The following ING5 variants were observed in gnomAD, a reference collection of about 807,000 sequenced individuals.
ING5 encodes inhibitor of growth family member 5.
Under a neutral mutation model 37.4 loss-of-function variants are expected in ING5, and 17 were observed. The ratio of observed to expected loss-of-function variants is 0.45; its 90% confidence interval spans 0.31 to 0.68. The LOEUF (loss-of-function observed/expected upper bound fraction) is 0.68, where lower values mean the gene tolerates loss of function less well. Among genes scored for constraint, ING5 ranks in the 30% least tolerant of loss-of-function variants. The pLI is 0.05. For synonymous variants in ING5, 123 were observed against 116.6 expected (o/e 1.06, Z -0.36); for missense variants, 233 against 311.9 (o/e 0.75, Z 1.91).
chr2:241,689,072 A>ACTGGCCCAGTGAGCTCACTGCGTGAGC (rs2069505783), intron 1 of ING5, among the ~76,000 whole-genome samples: 2 of 151,968 alleles, frequency 1.3e-5, no homozygotes, highest in Admixed American at 1.3e-4. Flanking sequence ...AAGTGCTGAG[A>ACTGGCCCAGTGAGCTCACTGCGTGAGC]TTACAGGCGT....
At chr2:241,687,304 C>T (rs1332529864) in exon 1 of ING5, 4 of 398,492 alleles carry the variant, frequency 1.0e-5, no homozygotes, top group Non-Finnish European at 1.8e-5. Flanking sequence ...TCCCGAAGCG[C>T]GGGGCCCAGT....
At position 241,723,091 on chromosome 2, in the gene ING5, G is replaced by C. The variant is rs746544676; in HGVS notation, c.618+17G>C. ...AATCCAGACGTGAGTGTCGCCTGCAGGATTCGCGCCATGGGGCGGGGTCTT... is the reference window on the plus strand; with the variant it reads ...AATCCAGACGTGAGTGTCGCCTGCACGATTCGCGCCATGGGGCGGGGTCTT... On this transcript the variant is annotated intron_variant, in intron 6 of 7. Transcript: ENST00000313552. The C allele has an allele frequency of 2.5e-6, 4 of 1,614,246 alleles. No individual in the cohort carries two copies. Among genetic ancestry groups the C allele is most frequent in the Middle Eastern group, 1.6e-4 (1 of 6,062 alleles).
intron 3 of ING5, among the ~76,000 whole-genome samples, chr2:241,710,365 T>C (rs2070070453): frequency 6.6e-6 from 1 of 152,088 alleles, no homozygotes; most frequent in Admixed American, 6.6e-5. Flanking sequence ...TGCAGTGGCA[T>C]GGCTGCAGTT....
intron 5 of ING5, chr2:241,719,996 C>G: frequency 8.0e-7 from 1 of 1,249,136 alleles, no homozygotes; most frequent in Non-Finnish European, 1.0e-6. Flanking sequence ...GCTCCTGTCC[C>G]ATTGCAAGAC....
rs1378560860 is a variant in ING5 at position 241,702,041 on chromosome 2, A to G, written c.-25A>G. On this transcript the variant is annotated 5_prime_UTR_variant, in exon 1 of 8. Transcript: ENST00000313552. Reference sequence around the variant, plus strand: ...CCCGCGGCACCGCCCGCCCGCGCAGACCCCGAGCGCGGCCGCGGACGAAGA... The same window carrying G: ...CCCGCGGCACCGCCCGCCCGCGCAGGCCCCGAGCGCGGCCGCGGACGAAGA... The G allele has an allele frequency of 5.9e-6, 8 of 1,366,724 alleles. No individual in the cohort carries two copies. The highest frequency in any genetic ancestry group is 6.6e-6 in the Non-Finnish European group (7 of 1,056,122). 84.7% of individuals were successfully genotyped at this position (1,366,724 alleles called of 1,614,324 possible). A position where few individuals can be genotyped will look rare whatever the true frequency, so the allele number is the denominator to read the frequency against.
chr2:241,709,254 A>C lies in ING5; in HGVS notation c.148A>C (p.Ile50Leu), dbSNP rs1177039418. 2.5e-6 allele frequency: 4 copies of C among 1,613,848 alleles called. No homozygotes were observed. The highest frequency in any genetic ancestry group is 2.7e-5 in the African/African-American group (2 of 74,910). Reference protein sequence around the residue: ...AEIDILAAEYISTVKTLSPDQ... With the variant: ...AEIDILAAEYLSTVKTLSPDQ... Reference sequence around the variant, plus strand: ...GATTGACATCCTGGCTGCAGAGTACATCTCCACGGTGAAGACGCTGTCTCC... The same window carrying C: ...GATTGACATCCTGGCTGCAGAGTACCTCTCCACGGTGAAGACGCTGTCTCC... Residue 50 changes from isoleucine (I) to leucine (L), a missense_variant, in exon 3 of 8, where the codon ATC (isoleucine) becomes CTC (leucine). By Grantham distance (5) the Ile-to-Leu change is conservative. Around this residue, in one of 4 missense-constraint regions of ING5, gnomAD observed 93 missense variants for 99.7 expected, o/e 0.93. Coordinates refer to ENST00000313552, the MANE Select transcript of ING5 (RefSeq NM_032329.6).
upstream of ING5, chr2:241,702,038 C>T (rs1322655945): frequency 1.1e-5 from 15 of 1,368,346 alleles, no homozygotes; most frequent in Non-Finnish European, 1.4e-5. Flanking sequence ...CCCGCCCGCG[C>T]AGACCCCGAG....
intron 7 of ING5, chr2:241,724,569 G>A (rs1030062782): frequency 6.0e-5 from 12 of 199,250 alleles, no homozygotes; most frequent in Non-Finnish European, 1.0e-4. Flanking sequence ...TTGTGAGACG[G>A]CAGCTTCCAG....
intron 5 of ING5, chr2:241,721,637 TC>T: frequency 2.0e-6 from 2 of 985,502 alleles, no homozygotes; most frequent in Non-Finnish European, 2.4e-6. Context: ...GCCACGTTCC[TC>T]CTGCTAACCT....
chr2:241,716,281 C>CCTT (rs2070265257), intron 5 of ING5, among the ~76,000 whole-genome samples: 1 of 73,662 alleles, frequency 1.4e-5, no homozygotes, highest in African/African-American at 6.3e-5. Context: ...ATTAGCCATG[C>CCTT]TTTTTTTTTT....
chr2:241,725,109 A>G lies in ING5; in HGVS notation c.*78A>G. 1 of 1,467,528 alleles carries G rather than the reference A, an allele frequency of 6.8e-7. No homozygotes were observed. Among genetic ancestry groups the G allele is most frequent in the Non-Finnish European group, 9.5e-7 (1 of 1,047,138 alleles). 90.9% of individuals were successfully genotyped at this position (1,467,528 alleles called of 1,614,324 possible). On this transcript the variant is annotated 3_prime_UTR_variant, in exon 8 of 8. Transcript: ENST00000313552. The stretch of plus-strand genomic sequence containing the variant: ...TGTCGCAATATTTCCCTTCCTTTTA[A>G]AACTACCTTGTTCGGTTGATACTTA...
At chr2:241,722,437 C>T (rs2070455683) in intron 5 of ING5, 1 of 985,262 alleles carries the variant, frequency 1.0e-6, no homozygotes, top group African/African-American at 1.7e-5. Flanking sequence ...TTCACGGCCT[C>T]CTGGGGGCCC....
At chr2:241,694,005 GT>G (rs1218075122) in intron 2 of ING5, 2 of 151,766 alleles carry the variant, frequency 1.3e-5, no homozygotes, top group African/African-American at 4.8e-5. Context: ...GGGTTTGCCA[GT>G]TTTGTGTGTG....
intron 5 of ING5, among the ~76,000 whole-genome samples, chr2:241,718,373 C>T (rs1225508667): frequency 3.6e-5 from 5 of 140,844 alleles, no homozygotes; most frequent in African/African-American, 1.3e-4. Flanking sequence ...CCCTCCCTTC[C>T]TCCCTCCCTC....
Position 241,720,971 on chromosome 2 carries a change from C to T in ING5, c.483-1968C>T, listed in dbSNP as rs901707621. Reference sequence around the variant, plus strand: ...GGGCGGTCCCCTCAGGCCCCCGGCCCTCTCCCACAGCCATCAAATCTGGCC... The same window carrying T: ...GGGCGGTCCCCTCAGGCCCCCGGCCTTCTCCCACAGCCATCAAATCTGGCC... On this transcript the variant is annotated intron_variant, in intron 5 of 7. Transcript: ENST00000313552. The T allele has an allele frequency of 3.0e-6, 3 of 985,578 alleles. No homozygotes were observed. In the African/African-American group the frequency reaches 5.2e-5, roughly 17 times the overall value. 61.1% of individuals were successfully genotyped at this position (985,578 alleles called of 1,614,324 possible). A position where few individuals can be genotyped will look rare whatever the true frequency, so the allele number is the denominator to read the frequency against.
chr2:241,713,145 C>G (rs537228841), intron 5 of ING5, among the ~76,000 whole-genome samples: 354 of 151,548 alleles, frequency 2.3e-3, no homozygotes, highest in African/African-American at 8.1e-3. Context: ...CAACCTCTGC[C>G]TCCCAGGTTC....
At chr2:241,714,382 A>G (rs1434179271) in intron 5 of ING5, among the ~76,000 whole-genome samples, 1 of 152,154 alleles carries the variant, frequency 6.6e-6, no homozygotes, top group Non-Finnish European at 1.5e-5. Flanking sequence ...AGTTCCTTTA[A>G]AGTTATGGAA....
intron 5 of ING5, chr2:241,721,167 C>G (rs559384551): frequency 4.1e-6 from 4 of 985,422 alleles, no homozygotes; most frequent in Non-Finnish European, 4.8e-6. Context: ...AGAGGTGACT[C>G]GAGGAGACCG....
chr2:241,709,986 A>G (rs2070055007), intron 3 of ING5, among the ~76,000 whole-genome samples: 1 of 152,096 alleles, frequency 6.6e-6, no homozygotes, highest in East Asian at 1.9e-4. Context: ...TCTGTCGCCC[A>G]GGCTGGAGTG....
Sources: gnomAD v4.1 joint callset for allele counts (sites outside exome capture counted in the v4.1 genomes callset) on GRCh38, gnomAD v4.1.1 for gene constraint, gnomAD v4.1.1 regional missense constraint, MANE v1.5 for transcripts, NCBI Gene and HGNC (gene_info 2026-07-23, HGNC 2026-07-21) for gene names.